The following C14orf132 variants were observed in gnomAD, a reference collection of about 807,000 sequenced individuals.
C14orf132 encodes uncharacterized protein C14orf132.
In C14orf132, 6 loss-of-function variants were observed where a neutral mutation model predicts 5.8. The ratio of observed to expected loss-of-function variants is 1.03; its 90% confidence interval spans 0.57 to 2.04. The LOEUF is 2.04. Among genes scored for constraint, C14orf132 ranks in the 30% most tolerant of loss-of-function variants. The probability of loss-of-function intolerance (pLI) is 0.00; values close to 1 mark genes in which losing one functional copy is unlikely to be tolerated. For missense variants in C14orf132, 125 were observed against 115.8 expected, an observed-to-expected ratio of 1.08 and a Z score of -0.37; for synonymous variants, 51 against 49.8, an observed-to-expected ratio of 1.02 and a Z score of -0.10.
At chr14:96,059,638 G>T (rs2146939) in intron 1 of C14orf132, among the ~76,000 whole-genome samples, 1 of 151,886 alleles carries the variant, frequency 6.6e-6, no homozygotes, top group African/African-American at 2.4e-5. Flanking sequence ...GTGTCTGCTG[G>T]GGGGGCCCTA....
At position 96,073,026 on chromosome 14, in the gene C14orf132, CAT is replaced by C. The variant is rs1161516739; in HGVS notation, c.28-13482_28-13481del. Among the ~76,000 whole-genome samples, 6 of 152,244 alleles carry C rather than the reference CAT, an allele frequency of 3.9e-5. No homozygotes were observed. The South Asian group carries it at 6.2e-4, about 16-fold the overall frequency. On this transcript the variant is annotated intron_variant, in intron 1 of 1. Coordinates refer to ENST00000555004, the MANE Select transcript of C14orf132 (RefSeq NM_001252507.3). ...TGGGATTTCTGGGTCATATGATAAA[CAT>C]ATGTTTAACTTTGTAAGAACTGGCT...
intron 1 of C14orf132, chr14:96,040,188 C>T (rs535252185): frequency 1.2e-5 from 3 of 253,034 alleles, no homozygotes; most frequent in Admixed American, 1.1e-4. Context: ...AAATCTCTCA[C>T]AGCTTGAATT....
At chr14:96,080,244 G>A (rs1887990049) in intron 1 of C14orf132, among the ~76,000 whole-genome samples, 1 of 152,174 alleles carries the variant, frequency 6.6e-6, no homozygotes, top group South Asian at 2.1e-4. Flanking sequence ...GGGCAGGGCT[G>A]GAGCAGGGCC....
intron 1 of C14orf132, among the ~76,000 whole-genome samples, chr14:96,044,867 C>T (rs12890183): frequency 1.3e-4 from 20 of 152,296 alleles, no homozygotes; most frequent in African/African-American, 4.6e-4. Context: ...ATTATCTTAA[C>T]TTGATTACAT....
Position 96,086,646 on chromosome 14 carries a change from T to G in C14orf132, c.163T>G (p.Ser55Ala), listed in dbSNP as rs986810242. 2 of 1,536,160 alleles carry G rather than the reference T, an allele frequency of 1.3e-6. No homozygotes were observed. The highest frequency in any genetic ancestry group is 1.7e-6 in the Non-Finnish European group (2 of 1,146,918). The change falls in exon 2 of 2, where the codon TCC becomes GCC. Residue 55 changes from serine to alanine, a missense_variant. Transcript: ENST00000555004. The part of the protein sequence containing the change: ...QGQPEDPPRS[S>A]NDAVLLWIAI... ...CCAGCCGGAAGATCCTCCTCGGTCC[T>G]CCAACGACGCCGTCTTGCTATGGAT...
intron 1 of C14orf132, among the ~76,000 whole-genome samples, chr14:96,057,579 C>T (rs1887219512): frequency 6.6e-6 from 1 of 152,170 alleles, no homozygotes; most frequent in Non-Finnish European, 1.5e-5. Context: ...GCTCATTGAA[C>T]CCCAGTGGCA....
chr14:96,077,778 T>C (rs1887918451), intron 1 of C14orf132, among the ~76,000 whole-genome samples: 1 of 152,244 alleles, frequency 6.6e-6, no homozygotes, highest in Admixed American at 6.5e-5. Flanking sequence ...TCACCTTCTA[T>C]AAGCAGTGGT....
Position 96,068,087 on chromosome 14 carries a change from T to C in C14orf132, c.28-18424T>C, listed in dbSNP as rs192807333. 2.2e-3 allele frequency among the ~76,000 whole-genome samples: 337 copies of C among 152,278 alleles called. 4 individuals are homozygous for C. The highest frequency in any genetic ancestry group is 3.7e-3 in the Non-Finnish European group (251 of 68,030). On this transcript the variant is annotated intron_variant, in intron 1 of 1. Transcript: ENST00000555004. Reference sequence around the variant, plus strand: ...ATCCACCTCATTGTAAATTGAAGACTCTCCAGCATGGAAACATTAGTCAAG... The same window carrying C: ...ATCCACCTCATTGTAAATTGAAGACCCTCCAGCATGGAAACATTAGTCAAG...
chr14:96,054,843 G>T (rs1887132329), intron 1 of C14orf132, among the ~76,000 whole-genome samples: 1 of 152,100 alleles, frequency 6.6e-6, no homozygotes, highest in Non-Finnish European at 1.5e-5. Flanking sequence ...TTACCTCCTT[G>T]GATCTAGCCC....
intron 1 of C14orf132, among the ~76,000 whole-genome samples, chr14:96,060,577 C>T (rs1021303318): frequency 2.0e-5 from 3 of 152,158 alleles, no homozygotes; most frequent in Non-Finnish European, 4.4e-5. Flanking sequence ...CAGGGCTCAG[C>T]TCCCTGACAG....
At position 96,039,433 on chromosome 14, in the gene C14orf132, T is replaced by C; in HGVS notation, c.-68T>C. The C allele has an allele frequency of 7.0e-7, 1 of 1,420,872 alleles. No homozygotes were observed. Among genetic ancestry groups the C allele is most frequent in the South Asian group, 1.4e-5 (1 of 70,270 alleles). The allele number at this position is 1,420,872 out of a possible 1,614,324, so 88.0% of individuals were successfully genotyped here. Reference sequence around the variant, plus strand: ...GCTGCTCAGCCCGATCCCCGCCAACTGTGCAGGCGGCTGACCCGCAGCGGC... The same window carrying C: ...GCTGCTCAGCCCGATCCCCGCCAACCGTGCAGGCGGCTGACCCGCAGCGGC... On this transcript the variant is annotated 5_prime_UTR_variant, in exon 1 of 2. Coordinates refer to ENST00000555004, the MANE Select transcript of C14orf132 (RefSeq NM_001252507.3). This position sits in a 1 kb window ranked among gnomAD's most constrained non-coding sequence, Gnocchi z 5.3.
At chr14:96,042,427 A>C (rs1886718101) in intron 1 of C14orf132, among the ~76,000 whole-genome samples, 1 of 152,176 alleles carries the variant, frequency 6.6e-6, no homozygotes, top group Non-Finnish European at 1.5e-5. Flanking sequence ...TAGAGGATAG[A>C]AGCTGGAGGG....
chr14:96,068,625 A>C (rs954715192), intron 1 of C14orf132, among the ~76,000 whole-genome samples: 1 of 152,178 alleles, frequency 6.6e-6, no homozygotes, highest in Non-Finnish European at 1.5e-5. Context: ...AGGGAGCAGC[A>C]GCCGCTTACT....
rs1888495690 is a variant in C14orf132, at chr14:96,093,812, A to T, written c.*7077A>T. ...TAAAAGACGTAAAAATGTATCTGTG[A>T]AATCTCACTTTGTTAGCGTTGCTGC... On this transcript the variant is annotated 3_prime_UTR_variant, in exon 2 of 2. Coordinates refer to ENST00000555004, the MANE Select transcript of C14orf132 (RefSeq NM_001252507.3). The T allele has an allele frequency of 6.6e-6, 1 of 152,250 alleles. No homozygotes were observed. 9.4% of individuals were successfully genotyped at this position (152,250 alleles called of 1,614,324 possible).
At chr14:96,080,585 C>T (rs1199519968) in intron 1 of C14orf132, among the ~76,000 whole-genome samples, 1 of 152,222 alleles carries the variant, frequency 6.6e-6, no homozygotes, top group East Asian at 1.9e-4. Context: ...GTTTTCCGTT[C>T]CTTTCTCTGT....
chr14:96,073,742 T>C (rs1257792207), intron 1 of C14orf132, among the ~76,000 whole-genome samples: 1 of 152,226 alleles, frequency 6.6e-6, no homozygotes, highest in Non-Finnish European at 1.5e-5. Context: ...TGCATGTGTA[T>C]GTTCATTGCA....
intron 1 of C14orf132, among the ~76,000 whole-genome samples, chr14:96,076,541 C>A (rs554623366): frequency 6.6e-6 from 1 of 151,898 alleles, no homozygotes; most frequent in African/African-American, 2.4e-5. Flanking sequence ...TTTTTGCTTC[C>A]CTGGGCCACA....
chr14:96,054,482 G>A (rs1348588581), intron 1 of C14orf132, among the ~76,000 whole-genome samples: 2 of 152,194 alleles, frequency 1.3e-5, no homozygotes, highest in Non-Finnish European at 2.9e-5. Context: ...ATTTGGGGCT[G>A]TTTGACTTGG....
intron 1 of C14orf132, among the ~76,000 whole-genome samples, chr14:96,083,430 T>C (rs1951803): frequency 0.36 from 55,097 of 152,078 alleles, 10,233 homozygotes; most frequent in East Asian, 0.53. Flanking sequence ...TTACCGTTCA[T>C]GGCCAAAAGG....
Sources: allele counts gnomAD v4.1 joint callset (sites outside exome capture counted in the v4.1 genomes callset), GRCh38; gene constraint gnomAD v4.1.1; non-coding constraint Gnocchi (gnomAD v3.1); transcripts MANE v1.5; gene names NCBI Gene and HGNC (gene_info 2026-07-23, HGNC 2026-07-21).